Variants in PDE1C observed in about 807,000 individuals in gnomAD.
PDE1C encodes phosphodiesterase 1C, also known as dual specificity calcium/calmodulin-dependent 3',5'-cyclic nucleotide phosphodiesterase 1C.
In PDE1C, 62 loss-of-function variants were observed where a neutral mutation model predicts 93.1. The ratio of observed to expected loss-of-function variants is 0.67; its 90% CI spans 0.54 to 0.82. The LOEUF (loss-of-function observed/expected upper bound fraction) is 0.82. Ranked by LOEUF, PDE1C falls within the 40% of genes least tolerant of loss-of-function variation. The pLI, the probability that PDE1C is intolerant of heterozygous loss-of-function variation, is 0.00. For missense variants in PDE1C, 742 were observed against 884.6 expected, an observed-to-expected ratio of 0.84 and a Z score of 2.04; for synonymous variants, 325 against 310.1, an observed-to-expected ratio of 1.05 and a Z score of -0.50.
At chr7:32,173,395 G>C (rs977810789) in intron 2 of PDE1C, among the ~76,000 whole-genome samples, 1 of 151,874 alleles carries the variant, frequency 6.6e-6, no homozygotes, top group African/African-American at 2.4e-5. Context: ...CTTACAGGAC[G>C]GGTCAATATG....
At chr7:31,739,748 T>G in the PDE1C span, among the ~76,000 whole-genome samples, 1 of 152,048 alleles carries the variant, frequency 6.6e-6, no homozygotes, top group Non-Finnish European at 1.5e-5. Flanking sequence ...GAACACTCAG[T>G]CAGTGTTGCC....
At chr7:31,643,157 C>A in the PDE1C span, 6 of 1,613,932 alleles carry the variant, frequency 3.7e-6, no homozygotes, top group Non-Finnish European at 4.2e-6. Flanking sequence ...CACAATGAGT[C>A]TCAAAGGTCA....
At chr7:32,298,359 G>T (rs1363547085) in intron 1 of PDE1C, among the ~76,000 whole-genome samples, 1 of 152,014 alleles carries the variant, frequency 6.6e-6, no homozygotes, top group South Asian at 2.1e-4. Flanking sequence ...CCCCCGGCCT[G>T]CCTTATTAAA....
chr7:32,238,467 C>T (rs1808300853), intron 1 of PDE1C, among the ~76,000 whole-genome samples: 1 of 152,200 alleles, frequency 6.6e-6, no homozygotes, highest in Non-Finnish European at 1.5e-5. Flanking sequence ...CAGTGCTTGA[C>T]ATATAATAAG....
chr7:32,127,593 A>T (rs890632543), intron 3 of PDE1C, among the ~76,000 whole-genome samples: 2 of 152,234 alleles, frequency 1.3e-5, no homozygotes, highest in Admixed American at 6.5e-5. Flanking sequence ...GTAACAAATT[A>T]TATTATTTTA....
intron 1 of PDE1C, among the ~76,000 whole-genome samples, chr7:32,369,476 CA>C (rs959664417): frequency 2.0e-5 from 3 of 151,302 alleles, no homozygotes; most frequent in African/African-American, 7.3e-5. Context: ...ATCAAAAGGA[CA>C]AAAAAAATAA....
At chr7:31,670,971 G>C in the PDE1C span, among the ~76,000 whole-genome samples, 1 of 152,060 alleles carries the variant, frequency 6.6e-6, no homozygotes, top group Non-Finnish European at 1.5e-5. Context: ...AAGTCTGGCT[G>C]GGTACAGCCA....
chr7:31,842,188 T>G (rs1398492147), intron 9 of PDE1C, among the ~76,000 whole-genome samples: 2 of 152,160 alleles, frequency 1.3e-5, no homozygotes, highest in Non-Finnish European at 2.9e-5. Context: ...TAGTATATTG[T>G]TACATTTAAT....
At chr7:31,623,914 T>G in the PDE1C span, among the ~76,000 whole-genome samples, 1,252 of 151,644 alleles carry the variant, frequency 8.3e-3, 15 homozygotes, top group African/African-American at 0.028. Context: ...ATAAGCAACT[T>G]CAGCAAAGTC....
chr7:31,964,043 CG>C (rs1281358016), intron 2 of PDE1C, among the ~76,000 whole-genome samples: 2 of 152,200 alleles, frequency 1.3e-5, no homozygotes, highest in African/African-American at 4.8e-5. Flanking sequence ...ATAAAGAAGA[CG>C]GGTGATTTCT....
chr7:32,233,240 ATAACT>A (rs1351743706), intron 1 of PDE1C, among the ~76,000 whole-genome samples: 31 of 152,316 alleles, frequency 2.0e-4, no homozygotes, highest in Middle Eastern at 3.4e-3. Flanking sequence ...AAATGTTCAA[ATAACT>A]TAAGAGTAGG....
At chr7:31,920,780 C>T (rs559387938) in intron 2 of PDE1C, among the ~76,000 whole-genome samples, 1 of 152,158 alleles carries the variant, frequency 6.6e-6, no homozygotes, top group African/African-American at 2.4e-5. Flanking sequence ...GTGAGGAAAA[C>T]AGCATGGCCT....
At chr7:32,008,213 C>G (rs1786537911) in intron 2 of PDE1C, among the ~76,000 whole-genome samples, 1 of 152,170 alleles carries the variant, frequency 6.6e-6, no homozygotes, top group African/African-American at 2.4e-5. Context: ...ATGCCACTAC[C>G]TCACTGGCTT....
At chr7:31,803,558 C>G (rs534630908) in intron 16 of PDE1C, among the ~76,000 whole-genome samples, 5 of 151,890 alleles carry the variant, frequency 3.3e-5, no homozygotes, top group Admixed American at 6.6e-5. Context: ...TCCCCCAACC[C>G]CACAACAGTC....
intron 1 of PDE1C, among the ~76,000 whole-genome samples, chr7:32,267,092 C>T (rs981401165): frequency 6.6e-6 from 1 of 152,220 alleles, no homozygotes; most frequent in African/African-American, 2.4e-5. Flanking sequence ...CCTGGCCAAG[C>T]CCTGATAGGC....
intron 2 of PDE1C, among the ~76,000 whole-genome samples, chr7:31,921,758 A>G (rs1802651134): frequency 6.6e-6 from 1 of 152,252 alleles, no homozygotes; most frequent in South Asian, 2.1e-4. Context: ...ATTTTTAAAT[A>G]AAATTGCTTA....
At chr7:32,329,825 T>C (rs1783477122) in intron 1 of PDE1C, among the ~76,000 whole-genome samples, 2 of 152,214 alleles carry the variant, frequency 1.3e-5, no homozygotes, top group Non-Finnish European at 2.9e-5. Context: ...TTTCTAATTA[T>C]TCAAGCTTGC....
At chr7:31,734,039 C>T in the PDE1C span, among the ~76,000 whole-genome samples, 3 of 151,906 alleles carry the variant, frequency 2.0e-5, no homozygotes, top group Admixed American at 6.6e-5. Flanking sequence ...TGCATAAAAA[C>T]GTTTTGGATC....
intron 3 of PDE1C, among the ~76,000 whole-genome samples, chr7:32,090,251 A>G (rs940372448): frequency 1.3e-5 from 2 of 152,206 alleles, no homozygotes; most frequent in Admixed American, 6.5e-5. Flanking sequence ...CCCAAATCAG[A>G]GCATAGAATT....
Sources: gnomAD v4.1 joint callset for allele counts (sites outside exome capture counted in the v4.1 genomes callset) on GRCh38, gnomAD v4.1.1 for gene constraint, MANE v1.5 for transcripts, NCBI Gene and HGNC (gene_info 2026-07-23, HGNC 2026-07-21) for gene names.